MTHFD2L: variants seen among roughly 807,000 people sequenced by gnomAD.
MTHFD2L encodes bifunctional methylenetetrahydrofolate dehydrogenase/cyclohydrolase 2, mitochondrial.
MTHFD2L carries 29 observed loss-of-function variants against 34.9 expected under a neutral mutation model. The ratio of observed to expected loss-of-function variants is 0.83; its 90% confidence interval spans 0.62 to 1.13. The LOEUF (loss-of-function observed/expected upper bound fraction) is 1.13, where lower values mean the gene tolerates loss of function less well. Ranked by LOEUF, MTHFD2L falls within the 50% of genes most tolerant of loss-of-function variation. MTHFD2L has a pLI of 0.00. For missense variants in MTHFD2L, 481 were observed against 446.5 expected (o/e 1.08, Z -0.70); for synonymous variants, 167 against 155.7 (o/e 1.07, Z -0.54).
At chr4:74,231,345 C>G (rs1393309314) in intron 6 of MTHFD2L, among the ~76,000 whole-genome samples, 3 of 152,000 alleles carry the variant, frequency 2.0e-5, no homozygotes, top group Non-Finnish European at 4.4e-5. Flanking sequence ...TTCAGGAAAC[C>G]AGGACATGGA....
intron 5 of MTHFD2L, among the ~76,000 whole-genome samples, chr4:74,218,251 T>G (rs1737535910): frequency 6.6e-6 from 1 of 152,164 alleles, no homozygotes; most frequent in Non-Finnish European, 1.5e-5. Flanking sequence ...AGAAGAATCA[T>G]GTTTTCAGTG....
chr4:74,292,797 A>G (rs985463068), intron 7 of MTHFD2L, among the ~76,000 whole-genome samples: 3 of 152,122 alleles, frequency 2.0e-5, no homozygotes, highest in African/African-American at 4.8e-5. Context: ...CTGATAGGTC[A>G]TAGCTGGAGT....
intron 6 of MTHFD2L, among the ~76,000 whole-genome samples, chr4:74,235,420 T>C (rs10518119): frequency 0.036 from 5,552 of 152,148 alleles, 332 homozygotes; most frequent in African/African-American, 0.13. Flanking sequence ...GAAGTAAAGA[T>C]GAGTGAGTGG....
chr4:74,250,218 G>T (rs1219855214), intron 6 of MTHFD2L, among the ~76,000 whole-genome samples: 1 of 151,784 alleles, frequency 6.6e-6, no homozygotes, highest in African/African-American at 2.4e-5. Context: ...TCTTGCTTCG[G>T]ATTTTCAATA....
intron 1 of MTHFD2L, among the ~76,000 whole-genome samples, chr4:74,171,672 A>G (rs1728023497): frequency 6.6e-6 from 1 of 152,084 alleles, no homozygotes; most frequent in Non-Finnish European, 1.5e-5. Context: ...GCATGGTGGC[A>G]TATGTCTGTA....
At chr4:74,286,399 C>G (rs1487507777) in intron 7 of MTHFD2L, among the ~76,000 whole-genome samples, 1 of 151,946 alleles carries the variant, frequency 6.6e-6, no homozygotes, top group African/African-American at 2.4e-5. Context: ...TTTTTTAAAC[C>G]ATTTTCTATT....
intron 1 of MTHFD2L, among the ~76,000 whole-genome samples, chr4:74,147,664 T>C (rs922243775): frequency 2.0e-5 from 3 of 152,182 alleles, no homozygotes; most frequent in Admixed American, 6.5e-5. Flanking sequence ...TTTCTCCACA[T>C]CCTCCCAACA....
intron 6 of MTHFD2L, among the ~76,000 whole-genome samples, chr4:74,252,758 A>C (rs546734450): frequency 6.6e-6 from 1 of 152,264 alleles, no homozygotes; most frequent in African/African-American, 2.4e-5. Flanking sequence ...ATGGAACATA[A>C]GAAATTCTGC....
In MTHFD2L at chr4:74,132,484, A is replaced by G. The variant is rs149431578; in HGVS notation, c.-297+6967A>G. On this transcript the variant is annotated intron_variant, in intron 1 of 7. Coordinates refer to the MTHFD2L transcript ENST00000433372. ...ACCATCATTCTCAGCAAACTAACACAAGAACAGAAAACCAAACACCACATG... is the reference window on the plus strand; with the variant it reads ...ACCATCATTCTCAGCAAACTAACACGAGAACAGAAAACCAAACACCACATG... Among the ~76,000 whole-genome samples the G allele has an allele frequency of 1.2e-3, 179 of 152,288 alleles. 3 individuals carry two copies. Among genetic ancestry groups the G allele is most frequent in the Admixed American group, 7.3e-3 (112 of 15,294 alleles).
Position 74,199,882 on chromosome 4 carries a change from C to G in MTHFD2L, c.540C>G (p.Cys180Trp). The G allele has an allele frequency of 6.2e-7, 1 of 1,613,754 alleles. No individual in the cohort carries two copies. Among genetic ancestry groups the G allele is most frequent in the South Asian group, 1.1e-5 (1 of 91,050 alleles). ...ATATTATCAATATTGGAAGATTGTG[C>G]CTTGATCAGCATTCTCTCATACCTG... Reference protein sequence around the residue: ...GFHIINIGRLCLDQHSLIPAT... With the variant: ...GFHIINIGRLWLDQHSLIPAT... Residue 180 changes from cysteine (C) to tryptophan (W), a missense_variant, in exon 4 of 8, where the codon TGC (cysteine) becomes TGG (tryptophan). By Grantham distance (215) the Cys-to-Trp change is radical. Transcript: ENST00000325278.
chr4:74,287,912 T>C (rs994658753), intron 7 of MTHFD2L, among the ~76,000 whole-genome samples: 19 of 152,182 alleles, frequency 1.2e-4, no homozygotes, highest in Non-Finnish European at 2.6e-4. Context: ...CAGAATGGTT[T>C]AAACAGAAAT....
At chr4:74,164,677 C>T (rs903273442) in intron 1 of MTHFD2L, among the ~76,000 whole-genome samples, 8 of 152,098 alleles carry the variant, frequency 5.3e-5, no homozygotes, top group Admixed American at 3.3e-4. Context: ...AATTGCATGC[C>T]GTTGAGAGAA....
chr4:74,205,985 C>G (rs1453174952), intron 5 of MTHFD2L, among the ~76,000 whole-genome samples: 1 of 152,034 alleles, frequency 6.6e-6, no homozygotes, highest in Admixed American at 6.6e-5. Context: ...ATGAGCTCCA[C>G]TAATTATTAG....
At chr4:74,197,624 C>T (rs182742312) in intron 3 of MTHFD2L, among the ~76,000 whole-genome samples, 1 of 152,138 alleles carries the variant, frequency 6.6e-6, no homozygotes, top group East Asian at 1.9e-4. Flanking sequence ...AAAGGAAAAA[C>T]TGATCTTAGA....
intron 5 of MTHFD2L, among the ~76,000 whole-genome samples, chr4:74,212,014 G>A (rs1736409128): frequency 6.6e-6 from 1 of 152,136 alleles, no homozygotes. Flanking sequence ...TTGTATTTCT[G>A]TGGGATCAGT....
At position 74,245,338 on chromosome 4, in the gene MTHFD2L, T is replaced by G. The variant is rs181085090; in HGVS notation, c.805+19944T>G. On this transcript the variant is annotated intron_variant, in intron 6 of 7. Coordinates refer to ENST00000325278, the MANE Select transcript of MTHFD2L (RefSeq NM_001144978.3). The stretch of plus-strand genomic sequence containing the variant: ...ATATAGTTAGTTGAAATATGTTATT[T>G]ATTTTAACATGTAATAGACATATTG... Among the ~76,000 whole-genome samples, 425 of 152,096 alleles carry G rather than the reference T, an allele frequency of 2.8e-3. 1 individual carries two copies. The highest frequency in any genetic ancestry group is 9.0e-3 in the African/African-American group (372 of 41,500).
In MTHFD2L at chr4:74,175,406, A is replaced by C. The variant is rs752653029; in HGVS notation, c.451+3A>C. On this transcript the variant is annotated splice_donor_region_variant and intron_variant, in intron 3 of 7. Coordinates refer to ENST00000325278, the MANE Select transcript of MTHFD2L (RefSeq NM_001144978.3). ...ATTAGTTCAGTTACCACTACCAGGT[A>C]CATAATGCTCCTCTTATTTATCTGA... 6.2e-7 allele frequency: 1 copy of C among 1,606,356 alleles called. No individual in the cohort carries two copies. The highest frequency in any genetic ancestry group is 8.5e-7 in the Non-Finnish European group (1 of 1,177,234).
In MTHFD2L at chr4:74,201,289, G is replaced by T; in HGVS notation, c.631G>T (p.Val211Phe). ...AATTCAAACATTTGGAAAAAATGTG[G>T]TTGTGGCTGGAAGATCCAAGAACGT... ...TGIQTFGKNVVVAGRSKNVGM... is the reference protein window; with the variant it reads ...TGIQTFGKNVFVAGRSKNVGM... The change falls in exon 5 of 8, where the codon GTT (valine) becomes TTT (phenylalanine). Residue 211 changes from valine (V) to phenylalanine (F), a missense_variant. Val to Phe is a conservative substitution (Grantham distance 50). Transcript: ENST00000325278. The T allele has an allele frequency of 1.2e-6, 2 of 1,613,610 alleles. No homozygotes were observed. Among genetic ancestry groups the T allele is most frequent in the East Asian group, 2.2e-5 (1 of 44,832 alleles).
At chr4:74,136,110 C>G (rs887330686) in intron 1 of MTHFD2L, among the ~76,000 whole-genome samples, 1 of 151,670 alleles carries the variant, frequency 6.6e-6, no homozygotes, top group Non-Finnish European at 1.5e-5. Flanking sequence ...TGCTGTTATT[C>G]AATATAATAC....
Sources: gnomAD v4.1 joint callset for allele counts (sites outside exome capture counted in the v4.1 genomes callset) on GRCh38, gnomAD v4.1.1 for gene constraint, MANE v1.5 for transcripts, NCBI Gene and HGNC (gene_info 2026-07-23, HGNC 2026-07-21) for gene names.